The following BCL2 variants were observed in gnomAD, a reference collection of about 807,000 sequenced individuals.
BCL2 encodes apoptosis regulator Bcl-2.
A neutral mutation model predicts 14.2 loss-of-function variants in BCL2; 1 was observed. The observed-to-expected ratio is 0.07, with a 90% CI of 0.02 to 0.33. BCL2 has a LOEUF of 0.33. BCL2 is among the 10% of genes least tolerant of loss of function. BCL2 has a pLI of 0.99. For missense variants in BCL2, 247 were observed against 305.9 expected (o/e 0.81, Z 1.44); for synonymous variants, 151 against 137.2 (o/e 1.10, Z -0.70).
In BCL2 at chr18:63,126,123, C is replaced by G; in HGVS notation, c.*2502G>C. ...AGGATTGGATATTCCATATTCATCACTTTGACAATGTAAACCTTTCATAAA... is the reference window on the plus strand; with the variant it reads ...AGGATTGGATATTCCATATTCATCAGTTTGACAATGTAAACCTTTCATAAA... On this transcript the variant is annotated 3_prime_UTR_variant, in exon 3 of 3. Transcript: ENST00000333681. 9.3e-6 allele frequency: 2 copies of G among 214,966 alleles called. No individual in the cohort carries two copies. The highest frequency in any genetic ancestry group is 1.9e-5 in the Non-Finnish European group (2 of 106,234). 13.3% of individuals were successfully genotyped at this position (214,966 alleles called of 1,614,324 possible).
chr18:63,170,621 T>C (rs753224716), intron 2 of BCL2, among the ~76,000 whole-genome samples: 6 of 152,214 alleles, frequency 3.9e-5, no homozygotes, highest in South Asian at 2.1e-4. Flanking sequence ...GGGTCCCACT[T>C]TGGAGTTCTT....
chr18:63,195,215 T>C lies in BCL2; in HGVS notation c.586-66456A>G, dbSNP rs140895065. 4.2e-3 allele frequency among the ~76,000 whole-genome samples: 636 copies of C among 152,292 alleles called. 5 individuals carry two copies. Among genetic ancestry groups the C allele is most frequent in the African/African-American group, 0.014 (594 of 41,558 alleles). On this transcript the variant is annotated intron_variant, in intron 2 of 2. Coordinates refer to ENST00000333681, the MANE Select transcript of BCL2 (RefSeq NM_000633.3). ...AAGCTGTGTAGCTTTGGGTAAGTCA[T>C]TGAATCTTGGTCCAGCAGGCCTTGG...
At chr18:63,190,615 G>A (rs1489189994) in intron 2 of BCL2, among the ~76,000 whole-genome samples, 1 of 152,220 alleles carries the variant, frequency 6.6e-6, no homozygotes, top group South Asian at 2.1e-4. Flanking sequence ...CTTCCTGAGG[G>A]TCAAGCCCCT....
chr18:63,143,953 A>G (rs546729452), intron 2 of BCL2, among the ~76,000 whole-genome samples: 1 of 152,140 alleles, frequency 6.6e-6, no homozygotes, highest in African/African-American at 2.4e-5. Flanking sequence ...TCATCACCCA[A>G]ATCAGGTACT....
chr18:63,196,505 C>T (rs1383301747), intron 2 of BCL2, among the ~76,000 whole-genome samples: 1 of 152,000 alleles, frequency 6.6e-6, no homozygotes, highest in Non-Finnish European at 1.5e-5. Context: ...GATTGAGCGA[C>T]TCATATTGAA....
At chr18:63,310,988 A>T (rs1192978847) in intron 2 of BCL2, among the ~76,000 whole-genome samples, 2 of 151,166 alleles carry the variant, frequency 1.3e-5, no homozygotes, top group Non-Finnish European at 2.9e-5. Context: ...GAAATTTTAC[A>T]TCCAGAAATG....
At chr18:63,163,011 T>C (rs1180307948) in intron 2 of BCL2, among the ~76,000 whole-genome samples, 1 of 152,200 alleles carries the variant, frequency 6.6e-6, no homozygotes, top group Admixed American at 6.5e-5. Flanking sequence ...TGTGCCACTA[T>C]GTCTGGCTAG....
At chr18:63,268,012 G>C (rs971333141) in intron 2 of BCL2, among the ~76,000 whole-genome samples, 2 of 152,202 alleles carry the variant, frequency 1.3e-5, no homozygotes, top group Non-Finnish European at 2.9e-5. Context: ...AATCAGCGGC[G>C]ATGCCTTTAT....
At chr18:63,201,170 C>T (rs1306068979) in intron 2 of BCL2, among the ~76,000 whole-genome samples, 4 of 152,188 alleles carry the variant, frequency 2.6e-5, no homozygotes, top group African/African-American at 4.8e-5. Flanking sequence ...CACTCTTAAC[C>T]GCAGGCTGAA....
At chr18:63,259,846 T>C (rs955275817) in intron 2 of BCL2, among the ~76,000 whole-genome samples, 1 of 152,248 alleles carries the variant, frequency 6.6e-6, no homozygotes, top group Admixed American at 6.5e-5. Context: ...TCCATTTTTA[T>C]TCTGTGAACT....
At position 63,316,350 on chromosome 18, in the gene BCL2, A is replaced by G. The variant is rs191851941; in HGVS notation, c.585+1732T>C. On this transcript the variant is annotated intron_variant, in intron 2 of 2. Coordinates refer to ENST00000333681, the MANE Select transcript of BCL2 (RefSeq NM_000633.3). ...AATTTGTAAGTGTGAATTTTTCACA[A>G]AAATGTGAAATAGTAAAACTATTAA... 92 of 152,336 alleles carry G rather than the reference A, an allele frequency of 6.0e-4. 1 individual carries two copies. Among genetic ancestry groups the G allele is most frequent in the African/African-American group, 1.9e-3 (78 of 41,580 alleles). The allele number at this position is 152,336 out of a possible 1,614,324, so 9.4% of individuals were successfully genotyped here. A position where few individuals can be genotyped will look rare whatever the true frequency, so the allele number is the denominator to read the frequency against.
chr18:63,279,413 T>C (rs1912246858), intron 2 of BCL2, among the ~76,000 whole-genome samples: 1 of 152,174 alleles, frequency 6.6e-6, no homozygotes, highest in African/African-American at 2.4e-5. Context: ...AAAATAAGCA[T>C]ATGAAAAGAT....
chr18:63,244,454 G>A (rs1459737517), intron 2 of BCL2, among the ~76,000 whole-genome samples: 1 of 152,136 alleles, frequency 6.6e-6, no homozygotes, highest in Non-Finnish European at 1.5e-5. Context: ...TGCTACTCAG[G>A]AGGCTGAGGC....
intron 2 of BCL2, chr18:63,302,819 C>G: frequency 6.1e-6 from 6 of 985,290 alleles, no homozygotes; most frequent in Non-Finnish European, 7.2e-6. Context: ...CTGAAACTCC[C>G]TTAGCCCTGC....
At chr18:63,307,865 G>A (rs548670750) in intron 2 of BCL2, among the ~76,000 whole-genome samples, 1 of 152,292 alleles carries the variant, frequency 6.6e-6, no homozygotes, top group South Asian at 2.1e-4. Context: ...TTTGCTTGTG[G>A]TTTCATTCAT....
At chr18:63,146,627 T>G (rs1337928595) in intron 2 of BCL2, among the ~76,000 whole-genome samples, 2 of 152,270 alleles carry the variant, frequency 1.3e-5, no homozygotes, top group Non-Finnish European at 2.9e-5. Flanking sequence ...CTTTTCTTTG[T>G]GTGTTTTCAC....
intron 2 of BCL2, chr18:63,208,004 G>A (rs1347435060): frequency 6.6e-6 from 1 of 152,180 alleles, no homozygotes; most frequent in Admixed American, 6.5e-5. Context: ...AAGAATTGAG[G>A]ATCTAAGTAA....
chr18:63,169,425 C>T (rs145099651), intron 2 of BCL2, among the ~76,000 whole-genome samples: 1,252 of 117,498 alleles, frequency 0.011, 115 homozygotes, highest in African/African-American at 0.028. Context: ...CTCTCTCTCT[C>T]TCTTTCTTTT....
At chr18:63,153,101 T>A (rs982889949) in intron 2 of BCL2, among the ~76,000 whole-genome samples, 14 of 152,190 alleles carry the variant, frequency 9.2e-5, no homozygotes, top group Non-Finnish European at 2.9e-5. Flanking sequence ...GTCAGACAGA[T>A]CTGTGCTTGA....
Sources: gnomAD v4.1 joint callset for allele counts (sites outside exome capture counted in the v4.1 genomes callset) on GRCh38, gnomAD v4.1.1 for gene constraint, MANE v1.5 for transcripts, NCBI Gene and HGNC (gene_info 2026-07-23, HGNC 2026-07-21) for gene names.